The following CAMKMT variants were observed in gnomAD, a reference collection of about 807,000 sequenced individuals.
CAMKMT encodes the protein CaM KMT.
Under a neutral mutation model 48.0 loss-of-function variants are expected in CAMKMT, and 53 were observed. The ratio of observed to expected loss-of-function variants is 1.10; its 90% confidence interval spans 0.89 to 1.39. CAMKMT has a LOEUF of 1.39. Ranked by LOEUF, CAMKMT falls within the 40% of genes most tolerant of loss-of-function variation. The pLI is 0.00. For synonymous variants in CAMKMT, 165 were observed against 152.3 expected (o/e 1.08, Z -0.61); for missense variants, 428 against 402.7 (o/e 1.06, Z -0.54).
At chr2:44,662,404 T>C (rs926360187) in intron 3 of CAMKMT, among the ~76,000 whole-genome samples, 9 of 152,320 alleles carry the variant, frequency 5.9e-5, no homozygotes, top group Non-Finnish European at 1.3e-4. Context: ...CTTTGGCAGT[T>C]GTATCACAGG....
intron 3 of CAMKMT, among the ~76,000 whole-genome samples, chr2:44,435,754 G>A (rs1163549344): frequency 6.6e-6 from 1 of 152,186 alleles, no homozygotes; most frequent in Non-Finnish European, 1.5e-5. Flanking sequence ...AGTTCATGAT[G>A]TTCTCATTCA....
At chr2:44,764,617 C>T (rs114061483) in intron 9 of CAMKMT, among the ~76,000 whole-genome samples, 1,903 of 152,242 alleles carry the variant, frequency 0.012, 14 homozygotes, top group African/African-American at 0.023. Flanking sequence ...GAGGTGACAC[C>T]GCTGTTTAAT....
intron 3 of CAMKMT, among the ~76,000 whole-genome samples, chr2:44,612,111 A>C (rs546901111): frequency 1.2e-4 from 19 of 152,316 alleles, no homozygotes; most frequent in Admixed American, 2.0e-4. Flanking sequence ...ATGTAATTTT[A>C]AATTTTAAAA....
chr2:44,596,669 A>G (rs376991405), intron 3 of CAMKMT, among the ~76,000 whole-genome samples: 3 of 152,226 alleles, frequency 2.0e-5, no homozygotes, highest in East Asian at 3.9e-4. Context: ...GCATCTCTCA[A>G]GAGACAATGA....
intron 8 of CAMKMT, among the ~76,000 whole-genome samples, chr2:44,747,645 T>C (rs1230022436): frequency 2.0e-5 from 3 of 152,194 alleles, no homozygotes. Flanking sequence ...GAAAATTACA[T>C]AGGGGTCTTC....
chr2:44,454,395 A>G (rs1281232515), intron 3 of CAMKMT, among the ~76,000 whole-genome samples: 2 of 152,110 alleles, frequency 1.3e-5, no homozygotes, highest in Non-Finnish European at 2.9e-5. Flanking sequence ...AATATCCAAT[A>G]ATGTTTCTGA....
intron 2 of CAMKMT, among the ~76,000 whole-genome samples, chr2:44,378,587 G>A (rs1261603844): frequency 2.0e-5 from 3 of 152,068 alleles, no homozygotes; most frequent in Non-Finnish European, 2.9e-5. Context: ...TCCGCCTCCC[G>A]GGTTCAAGCG....
chr2:44,620,348 C>T (rs992924747), intron 3 of CAMKMT, among the ~76,000 whole-genome samples: 1 of 152,088 alleles, frequency 6.6e-6, no homozygotes, highest in Non-Finnish European at 1.5e-5. Context: ...TTATCACTAC[C>T]TTTAATTCTT....
chr2:44,377,779 C>G (rs767632494), intron 2 of CAMKMT, among the ~76,000 whole-genome samples: 4 of 152,210 alleles, frequency 2.6e-5, no homozygotes, highest in African/African-American at 4.8e-5. Flanking sequence ...ATGACTTTGT[C>G]TTTGACTGTG....
At position 44,423,628 on chromosome 2, in the gene CAMKMT, C is replaced by T. The variant is rs764819305; in HGVS notation, c.376+33323C>T. ...ATTGTAATTTTGTTTTGTACATCAT[C>T]TTCCTCATGGACTATGAACTGCTGG... On this transcript the variant is annotated intron_variant, in intron 3 of 10. Transcript: ENST00000378494. Among the ~76,000 whole-genome samples, 8 of 152,334 alleles carry T rather than the reference C, an allele frequency of 5.3e-5. No homozygotes were observed. In the South Asian group the frequency reaches 8.3e-4, roughly 16 times the overall value.
At chr2:44,714,246 T>TA (rs984713712) in intron 6 of CAMKMT, among the ~76,000 whole-genome samples, 13 of 152,138 alleles carry the variant, frequency 8.5e-5, no homozygotes, top group Non-Finnish European at 2.9e-5. Flanking sequence ...GGATCAACTC[T>TA]AAGAGTTATA....
intron 3 of CAMKMT, among the ~76,000 whole-genome samples, chr2:44,635,671 C>T (rs569669062): frequency 3.9e-5 from 6 of 152,232 alleles, no homozygotes; most frequent in Middle Eastern, 3.4e-3. Context: ...TTTAGTTGTG[C>T]TGAATAATGT....
chr2:44,419,179 T>G (rs574442002), intron 3 of CAMKMT, among the ~76,000 whole-genome samples: 1 of 152,234 alleles, frequency 6.6e-6, no homozygotes, highest in African/African-American at 2.4e-5. Flanking sequence ...CCAGATTCCG[T>G]CGCAGCTAAG....
chr2:44,760,844 A>G (rs1004951730), intron 9 of CAMKMT, among the ~76,000 whole-genome samples: 3 of 152,168 alleles, frequency 2.0e-5, no homozygotes, highest in Admixed American at 6.5e-5. Flanking sequence ...TCCACCTGGA[A>G]TCATCCATTT....
intron 3 of CAMKMT, among the ~76,000 whole-genome samples, chr2:44,497,364 A>T (rs1017812217): frequency 6.6e-6 from 1 of 152,174 alleles, no homozygotes; most frequent in Non-Finnish European, 1.5e-5. Flanking sequence ...GGAAGAAAGT[A>T]CTTGGGATAA....
At chr2:44,709,157 G>A (rs777938386) in intron 6 of CAMKMT, among the ~76,000 whole-genome samples, 1 of 152,024 alleles carries the variant, frequency 6.6e-6, no homozygotes, top group African/African-American at 2.4e-5. Flanking sequence ...TCATTCTGCC[G>A]GCCTTTCAAA....
At chr2:44,417,581 T>C (rs768603607) in intron 3 of CAMKMT, among the ~76,000 whole-genome samples, 4 of 152,144 alleles carry the variant, frequency 2.6e-5, no homozygotes, top group African/African-American at 4.8e-5. Context: ...TACCTAGGAG[T>C]AGAATTGTTA....
At chr2:44,562,813 G>T (rs1668396021) in intron 3 of CAMKMT, among the ~76,000 whole-genome samples, 1 of 152,112 alleles carries the variant, frequency 6.6e-6, no homozygotes, top group Non-Finnish European at 1.5e-5. Flanking sequence ...TGCCCGCCTG[G>T]GTCTTCCAAG....
At chr2:44,455,218 G>A (rs1199578597) in intron 3 of CAMKMT, among the ~76,000 whole-genome samples, 3 of 151,364 alleles carry the variant, frequency 2.0e-5, no homozygotes. Context: ...AGTAGGACTG[G>A]GGATTCCAGG....
Sources: allele counts gnomAD v4.1 joint callset (sites outside exome capture counted in the v4.1 genomes callset), GRCh38; gene constraint gnomAD v4.1.1; transcripts MANE v1.5; gene names NCBI Gene and HGNC (gene_info 2026-07-23, HGNC 2026-07-21).